The following C4orf51 variants were observed in gnomAD, a reference collection of about 807,000 sequenced individuals.
C4orf51 encodes chromosome 4 open reading frame 51, also known as uncharacterized protein C4orf51.
Under a neutral mutation model 25.2 loss-of-function variants are expected in C4orf51, and 25 were observed. The ratio of observed to expected loss-of-function variants is 0.99; its 90% CI spans 0.72 to 1.39. C4orf51 has a LOEUF of 1.39. Among genes scored for constraint, C4orf51 ranks in the 40% most tolerant of loss-of-function variants. C4orf51 has a pLI of 0.00. For synonymous variants in C4orf51, 100 were observed against 84.5 expected (o/e 1.18, Z -1.01); for missense variants, 252 against 239.6 (o/e 1.05, Z -0.34).
At chr4:145,747,135 C>T (rs764205460) in intron 1 of C4orf51, among the ~76,000 whole-genome samples, 1 of 152,056 alleles carries the variant, frequency 6.6e-6, no homozygotes, top group Non-Finnish European at 1.5e-5. Context: ...AAGGTCCTAT[C>T]ATCTGCAAAC....
intron 1 of C4orf51, among the ~76,000 whole-genome samples, chr4:145,694,144 TC>T (rs1729853610): frequency 1.6e-5 from 2 of 124,310 alleles, no homozygotes; most frequent in African/African-American, 3.2e-5. Context: ...TCTCAGACGA[TC>T]TCCTCCTCAC....
chr4:145,686,738 A>G (rs1729179277), intron 1 of C4orf51, among the ~76,000 whole-genome samples: 1 of 152,230 alleles, frequency 6.6e-6, no homozygotes, highest in African/African-American at 2.4e-5. Context: ...TGGTTACTAC[A>G]TTTGTTTGAT....
At chr4:145,772,444 C>A (rs1030919052), downstream of C4orf51, among the ~76,000 whole-genome samples, 4 of 152,274 alleles carry the variant, frequency 2.6e-5, no homozygotes, top group African/African-American at 9.6e-5. Context: ...ATACAGGAAA[C>A]CCTTGCTGTG....
rs560592973 is a variant in C4orf51 at position 145,719,096 on chromosome 4, G to A, written c.308-7815G>A. Among the ~76,000 whole-genome samples the A allele has an allele frequency of 7.2e-5, 11 of 152,264 alleles. No homozygotes were observed. In the South Asian group the frequency reaches 2.3e-3, roughly 32 times the overall value. On this transcript the variant is annotated intron_variant, in intron 2 of 5. Transcript: ENST00000438731. ...CATAAGCTTTATGAGGGAGGAACTT[G>A]TCTGTCTTGTCTTTGTATTCCCAGC...
intron 1 of C4orf51, chr4:145,760,906 T>C (rs1162178089): frequency 8.1e-7 from 1 of 1,232,046 alleles, no homozygotes; most frequent in Non-Finnish European, 1.0e-6. Flanking sequence ...GTTCTTGGGG[T>C]ATAACATTGT....
chr4:145,737,344 C>G (rs1291592837), downstream of C4orf51, among the ~76,000 whole-genome samples: 1 of 152,128 alleles, frequency 6.6e-6, no homozygotes, highest in Non-Finnish European at 1.5e-5. Flanking sequence ...ATTTTGCAAA[C>G]TATAGTGACA....
chr4:145,757,726 C>T (rs1378024759), downstream of C4orf51: 1 of 150,972 alleles, frequency 6.6e-6, no homozygotes, highest in East Asian at 1.9e-4. Flanking sequence ...AGGAATATAC[C>T]AGTTACTGTC....
At chr4:145,750,653 C>A (rs1177540698) in intron 1 of C4orf51, among the ~76,000 whole-genome samples, 1 of 151,928 alleles carries the variant, frequency 6.6e-6, no homozygotes, top group African/African-American at 2.4e-5. Context: ...TGTTCTATAA[C>A]CTTCTTGTAC....
At chr4:145,695,610 T>TC (rs1729999678) in intron 1 of C4orf51, among the ~76,000 whole-genome samples, 1 of 152,188 alleles carries the variant, frequency 6.6e-6, no homozygotes, top group South Asian at 2.1e-4. Flanking sequence ...TTTAACCAGA[T>TC]CCCCTTTGTC....
At chr4:145,786,185 GTTTCC>G in the C4orf51 span, among the ~76,000 whole-genome samples, 2 of 152,260 alleles carry the variant, frequency 1.3e-5, no homozygotes, top group Non-Finnish European at 2.9e-5. Flanking sequence ...ACTTTAGTTT[GTTTCC>G]TTTCAATTTT....
chr4:145,733,793 G>A (rs1732646979), downstream of C4orf51, among the ~76,000 whole-genome samples: 3 of 152,272 alleles, frequency 2.0e-5, no homozygotes, highest in South Asian at 6.2e-4. Flanking sequence ...GCATTGAAAA[G>A]GCAGCCCTGT....
At chr4:145,745,036 A>G (rs1381223584) in intron 1 of C4orf51, among the ~76,000 whole-genome samples, 4 of 152,188 alleles carry the variant, frequency 2.6e-5, no homozygotes, top group African/African-American at 9.6e-5. Context: ...CTGTTTTTAT[A>G]TTAAATAGAA....
In C4orf51 at chr4:145,765,831, A is replaced by G. The variant is rs1311007422; in HGVS notation, n.167-5157A>G. On this transcript the variant is annotated intron_variant and non_coding_transcript_variant, in intron 1 of 1. Coordinates refer to the C4orf51 transcript ENST00000510096. This position sits in a 1 kb window ranked among gnomAD's most constrained non-coding sequence, Gnocchi z 4.7. ...GTGACGAGTTGAGTCTCATGGATGC[A>G]TCATCATTCTGGGGGCACAGGCTCA... 1 of 1,310,962 alleles carries G rather than the reference A, an allele frequency of 7.6e-7. No individual in the cohort carries two copies. Among genetic ancestry groups the G allele is most frequent in the African/African-American group, 1.5e-5 (1 of 67,792 alleles). 81.2% of individuals were successfully genotyped at this position (1,310,962 alleles called of 1,614,324 possible).
intron 2 of C4orf51, among the ~76,000 whole-genome samples, chr4:145,718,332 T>G (rs1294575724): frequency 6.6e-6 from 1 of 152,208 alleles, no homozygotes; most frequent in Non-Finnish European, 1.5e-5. Flanking sequence ...TGGAAATGCT[T>G]TTATGGGATA....
chr4:145,738,289 A>C (rs1460160273), intron 1 of C4orf51, among the ~76,000 whole-genome samples: 1 of 152,070 alleles, frequency 6.6e-6, no homozygotes, highest in Admixed American at 6.5e-5. Context: ...GTCTCTACTA[A>C]AAACACAAAA....
chr4:145,735,558 G>C (rs150411799), downstream of C4orf51, among the ~76,000 whole-genome samples: 240 of 152,192 alleles, frequency 1.6e-3, 1 homozygote, highest in Middle Eastern at 0.014. Context: ...GAGTGGAATG[G>C]GACTGATAGG....
chr4:145,686,991 A>G (rs1729192708), intron 1 of C4orf51, among the ~76,000 whole-genome samples: 2 of 122,794 alleles, frequency 1.6e-5, no homozygotes, highest in African/African-American at 7.0e-5. Context: ...TTCAGAAGAC[A>G]TTGGATCTTG....
intron 2 of C4orf51, among the ~76,000 whole-genome samples, chr4:145,711,525 C>T (rs949937853): frequency 6.6e-6 from 1 of 151,974 alleles, no homozygotes. Flanking sequence ...TTCTCTTTTC[C>T]TTCTGGTACT....
At chr4:145,733,386 G>A (rs375273230), downstream of C4orf51, among the ~76,000 whole-genome samples, 1 of 152,228 alleles carries the variant, frequency 6.6e-6, no homozygotes, top group Non-Finnish European at 1.5e-5. Flanking sequence ...ACCGGGAGCG[G>A]CAGGGGCTGC....
Sources: gnomAD v4.1 joint callset for allele counts (sites outside exome capture counted in the v4.1 genomes callset) on GRCh38, gnomAD v4.1.1 for gene constraint, Gnocchi (gnomAD v3.1) non-coding constraint, MANE v1.5 for transcripts, NCBI Gene and HGNC (gene_info 2026-07-23, HGNC 2026-07-21) for gene names.